The following PTPN13 variants were observed in gnomAD, a reference collection of about 807,000 sequenced individuals.
PTPN13 encodes tyrosine-protein phosphatase non-receptor type 13.
A neutral mutation model predicts 284.0 loss-of-function variants in PTPN13; 191 were observed. The observed-to-expected ratio is 0.67, with a 90% CI of 0.60 to 0.76. The LOEUF (loss-of-function observed/expected upper bound fraction) is 0.76, where lower values mean the gene tolerates loss of function less well. Ranked by LOEUF, PTPN13 falls within the 30% of genes least tolerant of loss-of-function variation. The probability of loss-of-function intolerance (pLI) is 0.00; values close to 1 mark genes in which losing one functional copy is unlikely to be tolerated. For missense variants in PTPN13, 2,797 were observed against 2,939.9 expected (o/e 0.95, Z 1.12); for synonymous variants, 986 against 1,022.3 (o/e 0.96, Z 0.68).
At chr4:86,697,052 G>A (rs1165782170) in intron 6 of PTPN13, among the ~76,000 whole-genome samples, 1 of 151,944 alleles carries the variant, frequency 6.6e-6, no homozygotes, top group East Asian at 1.9e-4. Flanking sequence ...GCATTCAGCA[G>A]CTAATAGTCA....
chr4:86,715,802 T>TA (rs1370444388), intron 7 of PTPN13, among the ~76,000 whole-genome samples: 2 of 152,120 alleles, frequency 1.3e-5, no homozygotes, highest in African/African-American at 4.8e-5. Flanking sequence ...AGGAGACAGG[T>TA]AGTAGTTCAG....
chr4:86,672,786 C>T (rs1177096225), intron 3 of PTPN13, among the ~76,000 whole-genome samples: 3 of 151,980 alleles, frequency 2.0e-5, no homozygotes, highest in Non-Finnish European at 4.4e-5. Flanking sequence ...TATTAAATAC[C>T]TGCTTTGTAT....
chr4:86,794,035 C>A (rs886903005), intron 40 of PTPN13, among the ~76,000 whole-genome samples: 2 of 152,130 alleles, frequency 1.3e-5, no homozygotes, highest in Non-Finnish European at 2.9e-5. Context: ...CACAAAAAAC[C>A]ATTCAAAAAA....
intron 20 of PTPN13, 128 bp downstream of exon 20, chr4:86,753,193 G>A: frequency 1.7e-6 from 1 of 578,462 alleles, no homozygotes; most frequent in South Asian, 4.3e-5. Flanking sequence ...GAAGTTAAAG[G>A]AGAGTTGTAT....
Position 86,701,722 on chromosome 4 carries a change from A to G in PTPN13, c.1116A>G (p.Ser372=). Residue 372 remains serine, a synonymous_variant, in exon 7 of 48, where the codon TCA becomes TCG. Transcript: ENST00000411767. ...IYHTRELPTS[S]AISSALDRIR... Reference sequence around the variant, plus strand: ...ACACTCGAGAATTGCCCACCTCCTCAGCAATATCAAGTGCTTTGGACCGAA... The same window carrying G: ...ACACTCGAGAATTGCCCACCTCCTCGGCAATATCAAGTGCTTTGGACCGAA... 1 of 1,614,008 alleles carries G rather than the reference A, an allele frequency of 6.2e-7. No homozygotes were observed. Among genetic ancestry groups the G allele is most frequent in the African/African-American group, 1.3e-5 (1 of 75,062 alleles).
At chr4:86,793,908 A>G (rs1287508186) in intron 40 of PTPN13, among the ~76,000 whole-genome samples, 1 of 139,038 alleles carries the variant, frequency 7.2e-6, no homozygotes, top group Non-Finnish European at 1.6e-5. Flanking sequence ...AGAAGGAAAG[A>G]TCTTGACAGC....
At chr4:86,790,379 A>C (rs1404093557) in intron 40 of PTPN13, among the ~76,000 whole-genome samples, 1 of 152,228 alleles carries the variant, frequency 6.6e-6, no homozygotes, top group African/African-American at 2.4e-5. Flanking sequence ...TCACAGACAT[A>C]AGTGTGTGTG....
At chr4:86,730,874 C>T (rs13131069) in intron 10 of PTPN13, among the ~76,000 whole-genome samples, 12,506 of 152,156 alleles carry the variant, frequency 0.082, 653 homozygotes, top group Non-Finnish European at 0.11. Context: ...AGAAATCACC[C>T]GTCTTCTGTG....
chr4:86,603,016 G>C lies in PTPN13; in HGVS notation c.-6+8227G>C, dbSNP rs1277062764. ...CCTGGCCTCAAACTACTCATGTTTA[G>C]AACACTGTATTTCCTGTTTAGGAAT... On this transcript the variant is annotated intron_variant, in intron 1 of 47. Coordinates refer to ENST00000411767, the MANE Select transcript of PTPN13 (RefSeq NM_080683.3). 2.6e-5 allele frequency among the ~76,000 whole-genome samples: 4 copies of C among 152,102 alleles called. No homozygotes were observed. The East Asian group carries it at 7.7e-4, about 29-fold the overall frequency.
At position 86,785,383 on chromosome 4, in the gene PTPN13, T is replaced by C. The variant is rs1741780940; in HGVS notation, c.6256+15T>C. The C allele has an allele frequency of 6.2e-7, 1 of 1,604,310 alleles. No individual in the cohort carries two copies. The highest frequency in any genetic ancestry group is 1.3e-5 in the African/African-American group (1 of 74,214). On this transcript the variant is annotated intron_variant, in intron 39 of 47. Coordinates refer to ENST00000411767, the MANE Select transcript of PTPN13 (RefSeq NM_080683.3). ...CTGTGGTCCAGGTACGTGAACCAGATGAATAAATTGGTATACTATGGAGTA... is the reference window on the plus strand; with the variant it reads ...CTGTGGTCCAGGTACGTGAACCAGACGAATAAATTGGTATACTATGGAGTA...
At chr4:86,784,132 C>G (rs13118632) in intron 37 of PTPN13, among the ~76,000 whole-genome samples, 15,133 of 151,976 alleles carry the variant, frequency 0.1, 872 homozygotes, top group Non-Finnish European at 0.11. Flanking sequence ...AAAGAGATGT[C>G]TACAGTCAGA....
intron 2 of PTPN13, among the ~76,000 whole-genome samples, chr4:86,670,695 G>T (rs775589607): frequency 6.6e-6 from 1 of 152,148 alleles, no homozygotes; most frequent in East Asian, 1.9e-4. Flanking sequence ...ATTGATTTTA[G>T]ATTGTTTTGT....
At chr4:86,743,033 A>G (rs1242178567) in intron 16 of PTPN13, among the ~76,000 whole-genome samples, 1 of 152,144 alleles carries the variant, frequency 6.6e-6, no homozygotes, top group African/African-American at 2.4e-5. Context: ...TCTCTAACAC[A>G]AAACTATTTT....
chr4:86,595,089 G>A (rs1010928585), intron 1 of PTPN13, among the ~76,000 whole-genome samples: 1 of 152,160 alleles, frequency 6.6e-6, no homozygotes, highest in African/African-American at 2.4e-5. Context: ...CACAGGGGGA[G>A]TAAGAGATTG....
At chr4:86,802,174 T>TG (rs1308851421) in intron 42 of PTPN13, among the ~76,000 whole-genome samples, 2 of 151,852 alleles carry the variant, frequency 1.3e-5, no homozygotes, top group Middle Eastern at 3.4e-3. Flanking sequence ...TGTGTGTGTG[T>TG]GTGTGGTGTG....
At chr4:86,708,320 A>C (rs1415528095) in intron 7 of PTPN13, among the ~76,000 whole-genome samples, 1 of 152,042 alleles carries the variant, frequency 6.6e-6, no homozygotes, top group African/African-American at 2.4e-5. Flanking sequence ...ATGGTGAGCA[A>C]TAAATCGTTA....
Position 86,735,670 on chromosome 4 carries a change from T to C in PTPN13, c.2228T>C (p.Ile743Thr), listed in dbSNP as rs1219953516. ...ATGGAGAAACTTGATTTATCCTATA[T>C]CAAAGAAGAGTTACCCAAATTGCAT... ...RVMEKLDLSY[I>T]KEELPKLHNT... Residue 743 changes from isoleucine (I) to threonine (T), a missense_variant, in exon 15 of 48, where the codon ATC becomes ACC. Ile to Thr is a moderately conservative substitution (Grantham distance 89). Transcript: ENST00000411767. 55 of 1,613,472 alleles carry C rather than the reference T, an allele frequency of 3.4e-5. No individual in the cohort carries two copies. Among genetic ancestry groups the C allele is most frequent in the Non-Finnish European group, 4.7e-5 (55 of 1,179,662 alleles).
chr4:86,688,756 T>C (rs1031974689), intron 4 of PTPN13, among the ~76,000 whole-genome samples: 1 of 152,228 alleles, frequency 6.6e-6, no homozygotes, highest in Non-Finnish European at 1.5e-5. Flanking sequence ...CTTTACTTTA[T>C]ATTTAAAAAT....
intron 3 of PTPN13, among the ~76,000 whole-genome samples, chr4:86,677,748 C>G (rs1238764054): frequency 6.6e-6 from 1 of 151,844 alleles, no homozygotes; most frequent in African/African-American, 2.4e-5. Flanking sequence ...ATACTATGTT[C>G]CACTAGCTAA....
Sources: allele counts gnomAD v4.1 joint callset (sites outside exome capture counted in the v4.1 genomes callset), GRCh38; gene constraint gnomAD v4.1.1; transcripts MANE v1.5; gene names NCBI Gene and HGNC (gene_info 2026-07-23, HGNC 2026-07-21).